Variants in EZH1 observed in about 807,000 individuals in gnomAD.
EZH1 encodes enhancer of zeste 1 polycomb repressive complex 2 subunit, also known as histone-lysine N-methyltransferase EZH1.
In EZH1, 33 loss-of-function variants were observed where a neutral mutation model predicts 100.5. The observed-to-expected ratio is 0.33, with a 90% CI of 0.25 to 0.44. EZH1 has a LOEUF of 0.44. Ranked by LOEUF, EZH1 falls within the 20% of genes least tolerant of loss-of-function variation. The probability of loss-of-function intolerance (pLI) is 1.00; values close to 1 mark genes in which losing one functional copy is unlikely to be tolerated. For missense variants in EZH1, 475 were observed against 928.4 expected, an observed-to-expected ratio of 0.51 and a Z score of 6.35; for synonymous variants, 272 against 313.8, an observed-to-expected ratio of 0.87 and a Z score of 1.41.
At chr17:42,707,919 C>T in intron 15 of EZH1, 39 bp downstream of exon 15, 2 of 1,612,492 alleles carry the variant, frequency 1.2e-6, no homozygotes, top group Non-Finnish European at 1.7e-6. Context: ...CTGGAGCCAA[C>T]TGTTTTGGTA....
At chr17:42,714,519 GC>G in intron 10 of EZH1, 1 of 283,604 alleles carries the variant, frequency 3.5e-6, no homozygotes, top group Non-Finnish European at 7.3e-6. Flanking sequence ...AAGCATGTCA[GC>G]AGGGCCTATG....
At chr17:42,704,058 G>C (rs1273103877) in intron 18 of EZH1, among the ~76,000 whole-genome samples, 1 of 152,180 alleles carries the variant, frequency 6.6e-6, no homozygotes, top group African/African-American at 2.4e-5. Flanking sequence ...TGGGCAGGGA[G>C]ATTTCTCAGG....
chr17:42,709,063 C>T (rs2053421294), intron 13 of EZH1, 147 bp from the exon 14 acceptor site: 1 of 810,188 alleles, frequency 1.2e-6, no homozygotes, highest in Non-Finnish European at 2.1e-6. Flanking sequence ...GACTTTGGTA[C>T]ACAGAAGCTA....
Position 42,727,877 on chromosome 17 carries a change from C to T in EZH1, c.118-114G>A, listed in dbSNP as rs531088326. 100 of 761,952 alleles carry T rather than the reference C, an allele frequency of 1.3e-4. 2 individuals are homozygous for T. Among genetic ancestry groups the T allele is most frequent in the South Asian group, 5.2e-4 (15 of 28,816 alleles). 47.2% of individuals were successfully genotyped at this position (761,952 alleles called of 1,614,324 possible). The stretch of plus-strand genomic sequence containing the variant: ...TGTCACCCAGGCTGGAGTGTAGTAG[C>T]GCGATCTCAGCTCACCACAACCTCC... On this transcript the variant is annotated intron_variant, in intron 3 of 20. Transcript: ENST00000428826.
intron 14 of EZH1, 75 bp from the exon 15 acceptor site, chr17:42,708,158 C>T (rs2053399587): frequency 1.3e-6 from 2 of 1,505,058 alleles, no homozygotes; most frequent in Non-Finnish European, 1.8e-6. Flanking sequence ...TGTCCAGCTG[C>T]CCTGATTCAG....
intron 6 of EZH1, among the ~76,000 whole-genome samples, chr17:42,721,853 T>A (rs1020831208): frequency 1.2e-4 from 18 of 151,482 alleles, no homozygotes; most frequent in African/African-American, 3.6e-4. Flanking sequence ...CTACAAAAAA[T>A]TTTAAAAATA....
intron 6 of EZH1, among the ~76,000 whole-genome samples, chr17:42,721,584 C>T (rs1187306467): frequency 1.3e-5 from 2 of 151,888 alleles, no homozygotes; most frequent in East Asian, 3.9e-4. Context: ...CTACATAATC[C>T]TTTTATGTCC....
chr17:42,708,966 G>T (rs1360634985), intron 13 of EZH1, 50 bp from the exon 14 acceptor site: 1 of 1,607,120 alleles, frequency 6.2e-7, no homozygotes, highest in African/African-American at 1.3e-5. Context: ...AGGGAGCTCT[G>T]CAAATGCAGG....
chr17:42,705,965 C>A (rs771933477), intron 16 of EZH1, 42 bp downstream of exon 16: 9 of 1,542,016 alleles, frequency 5.8e-6, no homozygotes, highest in South Asian at 1.2e-5. Context: ...CTTCCTTCCC[C>A]CTCCATTTTA....
intron 7 of EZH1, 76 bp from the exon 8 acceptor site, chr17:42,719,283 TTTTGTCATAGCATTTTGATTACAGCTGC>T: frequency 8.6e-7 from 1 of 1,166,664 alleles, no homozygotes. Flanking sequence ...TCTTTTTTCC[TTTTGTCATAGCATTTTGATTACAGCTGC>T]TTTGTTAACC....
intron 16 of EZH1, 48 bp downstream of exon 16, chr17:42,705,959 C>T: frequency 6.5e-7 from 1 of 1,528,086 alleles, no homozygotes; most frequent in Non-Finnish European, 8.8e-7. Flanking sequence ...CCGTTCCTTC[C>T]TTCCCCCTCC....
chr17:42,719,755 A>C (rs2053671156), intron 7 of EZH1, among the ~76,000 whole-genome samples: 2 of 152,176 alleles, frequency 1.3e-5, no homozygotes, highest in Non-Finnish European at 2.9e-5. Context: ...AATAAATAAT[A>C]GATTTTAAAA....
chr17:42,704,794 T>A (rs2053317919), intron 17 of EZH1, 111 bp from the exon 18 acceptor site: 10 of 803,196 alleles, frequency 1.2e-5, no homozygotes, highest in Non-Finnish European at 1.8e-5. Context: ...TTACTGAGCA[T>A]CATGATGAGA....
At chr17:42,709,790 A>G in intron 13 of EZH1, 56 bp downstream of exon 13, 1 of 1,552,456 alleles carries the variant, frequency 6.4e-7, no homozygotes, top group Non-Finnish European at 8.9e-7. Context: ...AGGGGAGGTC[A>G]GAGCACAGGG....
At chr17:42,722,730 G>C (rs967326427) in intron 6 of EZH1, 65 bp downstream of exon 6, 5 of 1,532,850 alleles carry the variant, frequency 3.3e-6, no homozygotes, top group Non-Finnish European at 3.5e-6. Context: ...ATGGCAAGAT[G>C]ATGAGGTACC....
Position 42,723,172 on chromosome 17 carries a change from C to T in EZH1, c.367-257G>A, listed in dbSNP as rs184609476. Among the ~76,000 whole-genome samples, 1,081 of 152,166 alleles carry T rather than the reference C, an allele frequency of 7.1e-3. 10 individuals carry two copies. The highest frequency in any genetic ancestry group is 0.025 in the African/African-American group (1,037 of 41,528). On this transcript the variant is annotated intron_variant, in intron 5 of 20. Coordinates refer to ENST00000428826, the MANE Select transcript of EZH1 (RefSeq NM_001991.5). ...CAGGCGGATCATGAGGTCAGGAGAT[C>T]GAGACCATCCTGGCCAACATGGTGA... is the stretch of plus-strand genomic sequence containing the variant.
intron 10 of EZH1, among the ~76,000 whole-genome samples, chr17:42,714,939 A>G (rs2053565833): frequency 7.2e-6 from 1 of 138,244 alleles, no homozygotes; most frequent in Admixed American, 7.8e-5. Context: ...TAAATATAAA[A>G]TATATATTTA....
At chr17:42,708,811 T>C in intron 14 of EZH1, 65 bp downstream of exon 14, 2 of 1,543,520 alleles carry the variant, frequency 1.3e-6, no homozygotes, top group African/African-American at 1.4e-5. Context: ...GGAGGTGGGG[T>C]AGGGTGATGA....
At chr17:42,726,705 G>C (rs1027131899) in intron 4 of EZH1, among the ~76,000 whole-genome samples, 2 of 151,654 alleles carry the variant, frequency 1.3e-5, no homozygotes, top group African/African-American at 4.8e-5. Flanking sequence ...GTAGAGATGG[G>C]GTTTCACCAT....
Sources: allele counts gnomAD v4.1 joint callset (sites outside exome capture counted in the v4.1 genomes callset), GRCh38; gene constraint gnomAD v4.1.1; transcripts MANE v1.5; gene names NCBI Gene and HGNC (gene_info 2026-07-23, HGNC 2026-07-21).